Variants in BAHCC1 observed in about 807,000 individuals in gnomAD.
The protein encoded by BAHCC1 is BAH domain and coiled-coil containing 1.
Under a neutral mutation model 88.2 loss-of-function variants are expected in BAHCC1, and 43 were observed. The observed-to-expected ratio is 0.49, with a 90% CI of 0.38 to 0.63. BAHCC1 has a LOEUF of 0.63. Among genes scored for constraint, BAHCC1 ranks in the 20% least tolerant of loss-of-function variants. The pLI, the probability that BAHCC1 is intolerant of heterozygous loss-of-function variation, is 0.00. For missense variants in BAHCC1, 3,023 were observed against 1,654.8 expected (o/e 1.83, Z -14.34); for synonymous variants, 1,510 against 745.5 (o/e 2.03, Z -16.71).
chr17:81,403,938 G>C lies in BAHCC1; in HGVS notation c.178+4021G>C, dbSNP rs545433501. Among the ~76,000 whole-genome samples the C allele has an allele frequency of 2.0e-5, 3 of 152,368 alleles. No homozygotes were observed. In the East Asian group the frequency reaches 5.8e-4, roughly 29 times the overall value. On this transcript the variant is annotated intron_variant, in intron 2 of 27. Transcript: ENST00000675386. ...CACCACGTCTGATTATCCCGGTACGGAGCCGCCGCGCTTTCTGTAGGAATA... is the reference window on the plus strand; with the variant it reads ...CACCACGTCTGATTATCCCGGTACGCAGCCGCCGCGCTTTCTGTAGGAATA...
At chr17:81,397,457 G>T (rs115207757) in intron 1 of BAHCC1, among the ~76,000 whole-genome samples, 2 of 150,410 alleles carry the variant, frequency 1.3e-5, no homozygotes, top group South Asian at 4.2e-4. Context: ...CCTGGAGGCC[G>T]CCAGGAAGCC....
At chr17:81,441,090 C>A (rs1343517385) in intron 4 of BAHCC1, among the ~76,000 whole-genome samples, 3 of 152,154 alleles carry the variant, frequency 2.0e-5, no homozygotes, top group African/African-American at 7.2e-5. Flanking sequence ...CACTGCCTGC[C>A]CCGCGTCCCC....
Position 81,462,976 on chromosome 17 carries a change from G to A in BAHCC1, c.7620G>A (p.Lys2540=). 1.3e-6 allele frequency: 1 copy of A among 779,648 alleles called. No individual in the cohort carries two copies. Among genetic ancestry groups the A allele is most frequent in the Non-Finnish European group, 2.4e-6 (1 of 418,062 alleles). The allele number at this position is 779,648 out of a possible 1,614,324, so 48.3% of individuals were successfully genotyped here. A position where few individuals can be genotyped will look rare whatever the true frequency, so the allele number is the denominator to read the frequency against. ...TGGGCAAGAGGCAGTGCGACGGCAA[G>A]GTGAGGCCCGGACAGGTGTGGGGCC... ...TKLGKRQCDG[K]NALYQSCHED... The change falls in exon 27 of 28, where the codon AAG becomes AAA. Residue 2540 remains lysine (K), a splice_region_variant and synonymous_variant. Transcript: ENST00000675386.
At chr17:81,396,324 G>A (rs1179088801) in intron 1 of BAHCC1, 3 of 152,148 alleles carry the variant, frequency 2.0e-5, no homozygotes, top group Non-Finnish European at 4.4e-5. Context: ...GAGGGGGACC[G>A]AGCAAGGCCG....
chr17:81,417,548 G>A (rs927086142), intron 2 of BAHCC1, among the ~76,000 whole-genome samples: 8 of 53,072 alleles, frequency 1.5e-4, no homozygotes, highest in East Asian at 1.1e-3. Context: ...CATGGGGAGC[G>A]TCGGCCACCC....
At chr17:81,455,722 C>T (rs1307804858) in intron 15 of BAHCC1, among the ~76,000 whole-genome samples, 2 of 152,220 alleles carry the variant, frequency 1.3e-5, no homozygotes, top group African/African-American at 4.8e-5. Context: ...TGGCCCAGGG[C>T]ACACTTGGTG....
intron 1 of BAHCC1, among the ~76,000 whole-genome samples, chr17:81,397,680 C>T (rs1392785343): frequency 2.0e-5 from 3 of 152,144 alleles, no homozygotes; most frequent in African/African-American, 7.2e-5. Flanking sequence ...AGCCCCCTCG[C>T]CAGAGCACTC....
rs869297780 is a variant in BAHCC1 at position 81,446,526 on chromosome 17, C to CTTTTTTTTTTTTTT, written c.3164-485_3164-472dup. 1.6e-4 allele frequency among the ~76,000 whole-genome samples: 8 copies of CTTTTTTTTTTTTTT among 49,224 alleles called. 1 individual carries two copies. The highest frequency in any genetic ancestry group is 5.4e-4 in the African/African-American group (6 of 11,214). 32.3% of individuals were successfully genotyped at this position (49,224 alleles called of 152,430 possible). A position where few individuals can be genotyped will look rare whatever the true frequency, so the allele number is the denominator to read the frequency against. On this transcript the variant is annotated intron_variant, in intron 10 of 27. Transcript: ENST00000675386. ...GGGCCTGGCCTCAGGCTGCTCACAC[C>CTTTTTTTTTTTTTT]TTTTTTTTTTTTTTTTTTTTTTTTT...
Position 81,411,533 on chromosome 17 carries a change from T to C in BAHCC1, c.178+11616T>C, listed in dbSNP as rs1555647873. On this transcript the variant is annotated intron_variant, in intron 2 of 27. Transcript: ENST00000675386. This position sits in a 1 kb window ranked among gnomAD's most constrained non-coding sequence, Gnocchi z 6.2. Reference sequence around the variant, plus strand: ...CTGCCTGCCTTCCTTCCTTCCTTCCTTCCTTCCTTCCTTCCTTCCTTCCTT... The same window carrying C: ...CTGCCTGCCTTCCTTCCTTCCTTCCCTCCTTCCTTCCTTCCTTCCTTCCTT... The C allele has an allele frequency of 2.7e-6, 1 of 365,272 alleles. No individual in the cohort carries two copies. The highest frequency in any genetic ancestry group is 5.3e-6 in the Non-Finnish European group (1 of 190,162). The allele number at this position is 365,272 out of a possible 1,614,324, so 22.6% of individuals were successfully genotyped here.
At position 81,442,980 on chromosome 17, in the gene BAHCC1, T is replaced by A. The variant is rs782618803; in HGVS notation, c.1631T>A (p.Ile544Asn). The A allele has an allele frequency of 1.3e-6, 1 of 779,020 alleles. No individual in the cohort carries two copies. Among genetic ancestry groups the A allele is most frequent in the Non-Finnish European group, 2.4e-6 (1 of 417,826 alleles). The allele number at this position is 779,020 out of a possible 1,614,324, so 48.3% of individuals were successfully genotyped here. A position where few individuals can be genotyped will look rare whatever the true frequency, so the allele number is the denominator to read the frequency against. ...GPPGAQKVAR[I>N]RHQQHLMAAE... ...CCAGGGGCACAGAAGGTGGCCCGCATCAGGCACCAGCAGCACTTGATGGCC... is the reference window on the plus strand; with the variant it reads ...CCAGGGGCACAGAAGGTGGCCCGCAACAGGCACCAGCAGCACTTGATGGCC... Residue 544 changes from isoleucine to asparagine, a missense_variant, in exon 5 of 28, where the codon ATC becomes AAC. By Grantham distance (149) the Ile-to-Asn change is moderately radical (BLOSUM62 -3). Transcript: ENST00000675386.
In BAHCC1 at chr17:81,442,387, C is replaced by T; in HGVS notation, c.1038C>T (p.His346=). ...ECLERRQMLH[H]TASYAGPPPP... Reference sequence around the variant, plus strand: ...TGGAGCGGCGGCAGATGCTACACCACACCGCATCCTACGCCGGGCCACCCC... The same window carrying T: ...TGGAGCGGCGGCAGATGCTACACCATACCGCATCCTACGCCGGGCCACCCC... The change falls in exon 5 of 28, where the codon CAC becomes CAT. Residue 346 remains histidine (H), a synonymous_variant. Coordinates refer to ENST00000675386, the MANE Select transcript of BAHCC1 (RefSeq NM_001377448.1). 1 of 703,330 alleles carries T rather than the reference C, an allele frequency of 1.4e-6. No homozygotes were observed. The highest frequency in any genetic ancestry group is 2.6e-6 in the Non-Finnish European group (1 of 380,888). The allele number at this position is 703,330 out of a possible 1,614,324, so 43.6% of individuals were successfully genotyped here.
intron 2 of BAHCC1, among the ~76,000 whole-genome samples, chr17:81,407,097 C>T (rs552329630): frequency 1.8e-4 from 28 of 152,286 alleles, no homozygotes; most frequent in Admixed American, 5.9e-4. Flanking sequence ...TGCCCCTCTC[C>T]GGGGTCTGTG....
chr17:81,400,274 C>T (rs1253103471), intron 2 of BAHCC1, among the ~76,000 whole-genome samples: 2 of 152,222 alleles, frequency 1.3e-5, no homozygotes, highest in African/African-American at 4.8e-5. Context: ...TAAGACGTTC[C>T]GGGGCTGGGA....
Position 81,447,168 on chromosome 17 carries a change from G to A in BAHCC1, c.3296G>A (p.Arg1099Lys). The A allele has an allele frequency of 2.6e-6, 2 of 775,500 alleles. No homozygotes were observed. Among genetic ancestry groups the A allele is most frequent in the Admixed American group, 1.7e-5 (1 of 58,416 alleles). 48.0% of individuals were successfully genotyped at this position (775,500 alleles called of 1,614,324 possible). ...TAPGAQPEPT[R>K]TFLPGEPPPC... is the part of the protein sequence containing the mutation. Reference sequence around the variant, plus strand: ...CCGGGGGCCCAGCCTGAGCCCACAAGGACATTCCTGCCTGGGGAGCCGCCT... The same window carrying A: ...CCGGGGGCCCAGCCTGAGCCCACAAAGACATTCCTGCCTGGGGAGCCGCCT... The change falls in exon 11 of 28, where the codon AGG (arginine) becomes AAG (lysine). Residue 1099 changes from arginine to lysine, a missense_variant. Arg to Lys is a conservative substitution (Grantham distance 26). Transcript: ENST00000675386.
In BAHCC1 at chr17:81,441,793, CTAAGGCCTCCCATTGA is replaced by C. The variant is rs782257210; in HGVS notation, c.482-37_482-22del. 9.3e-5 allele frequency: 53 copies of C among 568,324 alleles called. No individual in the cohort carries two copies. In the East Asian group the frequency reaches 1.6e-3, roughly 17 times the overall value. 35.2% of individuals were successfully genotyped at this position (568,324 alleles called of 1,614,324 possible). ...AGGGAGTCTTTCTCCAGCCTCACCC[CTAAGGCCTCCCATTGA>C]CCTTGGCTCTTTCCCACACAGATAA... On this transcript the variant is annotated intron_variant, in intron 4 of 27. Coordinates refer to ENST00000675386, the MANE Select transcript of BAHCC1 (RefSeq NM_001377448.1).
At chr17:81,405,798 G>T (rs1378355214) in intron 2 of BAHCC1, among the ~76,000 whole-genome samples, 1 of 152,208 alleles carries the variant, frequency 6.6e-6, no homozygotes, top group Non-Finnish European at 1.5e-5. Flanking sequence ...AATGGGACCT[G>T]TCCTCTGTCC....
intron 2 of BAHCC1, among the ~76,000 whole-genome samples, chr17:81,408,677 C>T (rs2063911064): frequency 6.6e-6 from 1 of 152,222 alleles, no homozygotes; most frequent in Admixed American, 6.5e-5. Context: ...CTGTTCTTGG[C>T]CTGCAGCCCT....
At chr17:81,449,826 G>A (rs1291693314) in intron 11 of BAHCC1, among the ~76,000 whole-genome samples, 1 of 152,180 alleles carries the variant, frequency 6.6e-6, no homozygotes, top group African/African-American at 2.4e-5. Context: ...TGGCTTCTTA[G>A]TAATGACTTC....
intron 2 of BAHCC1, among the ~76,000 whole-genome samples, chr17:81,422,399 C>T (rs925419162): frequency 2.0e-5 from 3 of 152,172 alleles, no homozygotes; most frequent in African/African-American, 7.2e-5. Flanking sequence ...CCAGGTGGCC[C>T]GTTTCCAGAA....
Sources: allele counts gnomAD v4.1 joint callset (sites outside exome capture counted in the v4.1 genomes callset), GRCh38; gene constraint gnomAD v4.1.1; non-coding constraint Gnocchi (gnomAD v3.1); transcripts MANE v1.5; gene names NCBI Gene and HGNC (gene_info 2026-07-23, HGNC 2026-07-21).